KCNN2: variants seen among roughly 807,000 people sequenced by gnomAD.
KCNN2 encodes the protein potassium calcium-activated channel subfamily N member 2.
In KCNN2, 24 loss-of-function variants were observed where a neutral mutation model predicts 55.5. The ratio of observed to expected loss-of-function variants is 0.43; its 90% confidence interval spans 0.31 to 0.61. The LOEUF is 0.61. Among genes scored for constraint, KCNN2 ranks in the 20% least tolerant of loss-of-function variants. KCNN2 has a pLI of 0.08. For missense variants in KCNN2, 754 were observed against 853.6 expected (o/e 0.88, Z 1.45); for synonymous variants, 431 against 336.1 (o/e 1.28, Z -3.09).
intron 5 of KCNN2, among the ~76,000 whole-genome samples, chr5:114,479,184 A>G (rs1762108767): frequency 6.6e-6 from 1 of 150,792 alleles, no homozygotes; most frequent in Non-Finnish European, 1.5e-5. Context: ...ATAGGCTCAA[A>G]ATAAAGGGAT....
intron 2 of KCNN2, among the ~76,000 whole-genome samples, chr5:114,369,680 C>T (rs1342175368): frequency 6.6e-6 from 1 of 152,086 alleles, no homozygotes; most frequent in Admixed American, 6.5e-5. Context: ...TTTGTGTATA[C>T]ACTGTAGTAA....
intron 1 of KCNN2, among the ~76,000 whole-genome samples, chr5:114,173,360 A>T (rs1393412882): frequency 1.3e-5 from 2 of 150,100 alleles, no homozygotes; most frequent in Non-Finnish European, 3.0e-5. Context: ...AAGTCAGGTA[A>T]TGTGATTTCT....
chr5:114,490,555 C>G (rs748352391), intron 6 of KCNN2: 1 of 394,340 alleles, frequency 2.5e-6, no homozygotes, highest in African/African-American at 2.1e-5. Flanking sequence ...TCCTGCAGAA[C>G]CATAACAGGA....
At chr5:114,290,396 T>C (rs1348681728) in intron 2 of KCNN2, among the ~76,000 whole-genome samples, 2 of 152,126 alleles carry the variant, frequency 1.3e-5, no homozygotes, top group Non-Finnish European at 2.9e-5. Flanking sequence ...TAATTACTTA[T>C]AGTATTATAA....
At position 114,300,422 on chromosome 5, in the gene KCNN2, T is replaced by C. The variant is rs114570187; in HGVS notation, c.-184-60523T>C. On this transcript the variant is annotated intron_variant, in intron 2 of 10. Coordinates refer to the KCNN2 transcript ENST00000512097. ...TGAAATCATAATTAAAGCAATTACA[T>C]TGGAGAATATTTCAAAACATTGTCT... Among the ~76,000 whole-genome samples, 439 of 152,300 alleles carry C rather than the reference T, an allele frequency of 2.9e-3. 3 individuals carry two copies. The highest frequency in any genetic ancestry group is 0.01 in the African/African-American group (420 of 41,562).
At chr5:114,431,099 A>G (rs1408094244) in intron 3 of KCNN2, among the ~76,000 whole-genome samples, 1 of 152,066 alleles carries the variant, frequency 6.6e-6, no homozygotes, top group South Asian at 2.1e-4. Flanking sequence ...CTGGCTTTAT[A>G]CAATGAGTTA....
chr5:114,246,453 A>G (rs1032230174), intron 2 of KCNN2, among the ~76,000 whole-genome samples: 2 of 152,170 alleles, frequency 1.3e-5, no homozygotes, highest in Non-Finnish European at 2.9e-5. Context: ...TTACAATGAT[A>G]TATTTGGTCT....
chr5:114,319,113 G>A (rs955918841), intron 2 of KCNN2, among the ~76,000 whole-genome samples: 15 of 152,128 alleles, frequency 9.9e-5, no homozygotes, highest in African/African-American at 3.6e-4. Flanking sequence ...CAGAGACTGA[G>A]TGATTACCAA....
In KCNN2 at chr5:114,145,369, A is replaced by T. The variant is rs1390847536; in HGVS notation, c.-270-76111A>T. Among the ~76,000 whole-genome samples, 2 of 152,176 alleles carry T rather than the reference A, an allele frequency of 1.3e-5. 1 individual carries two copies. Among genetic ancestry groups the T allele is most frequent in the Admixed American group, 1.3e-4 (2 of 15,272 alleles). On this transcript the variant is annotated intron_variant, in intron 1 of 10. Transcript: ENST00000512097. ...CATATTAATTTGTTAGCATTTGAAGACACGTTGAGAGGACACACAGGTCCT... is the reference window on the plus strand; with the variant it reads ...CATATTAATTTGTTAGCATTTGAAGTCACGTTGAGAGGACACACAGGTCCT...
chr5:114,332,999 T>A (rs1162938179), intron 2 of KCNN2, among the ~76,000 whole-genome samples: 1 of 152,230 alleles, frequency 6.6e-6, no homozygotes, highest in East Asian at 1.9e-4. Flanking sequence ...TGGTCTCGCC[T>A]CACAATAATC....
At chr5:114,101,773 T>G (rs1402409172) in intron 1 of KCNN2, among the ~76,000 whole-genome samples, 1 of 152,164 alleles carries the variant, frequency 6.6e-6, no homozygotes, top group Non-Finnish European at 1.5e-5. Context: ...CTCATCCTTT[T>G]TATGGCTGCG....
intron 2 of KCNN2, among the ~76,000 whole-genome samples, chr5:114,287,671 C>T (rs772364447): frequency 5.3e-5 from 8 of 151,542 alleles, no homozygotes; most frequent in South Asian, 2.1e-4. Context: ...ACCTAGATGA[C>T]GGGTTGATGG....
At chr5:114,072,535 A>C (rs1003733856) in intron 1 of KCNN2, among the ~76,000 whole-genome samples, 1 of 152,192 alleles carries the variant, frequency 6.6e-6, no homozygotes, top group African/African-American at 2.4e-5. Context: ...TAAAAGTATT[A>C]CTTTTAATGC....
intron 1 of KCNN2, among the ~76,000 whole-genome samples, chr5:114,108,972 A>G (rs892730597): frequency 1.3e-5 from 2 of 151,972 alleles, no homozygotes; most frequent in Non-Finnish European, 2.9e-5. Flanking sequence ...TATTTATTTT[A>G]TATTTCCAGT....
At chr5:114,077,096 T>C (rs1386834927) in intron 1 of KCNN2, among the ~76,000 whole-genome samples, 1 of 152,258 alleles carries the variant, frequency 6.6e-6, no homozygotes, top group Non-Finnish European at 1.5e-5. Context: ...TTTTCCCTTT[T>C]ACATTTGTAT....
At chr5:114,360,602 G>T (rs1229645290), upstream of KCNN2, among the ~76,000 whole-genome samples, 1 of 152,190 alleles carries the variant, frequency 6.6e-6, no homozygotes, top group African/African-American at 2.4e-5. Context: ...AGATGGAGCA[G>T]AAACAAAGAA....
At chr5:114,384,651 T>G (rs994983435) in intron 2 of KCNN2, among the ~76,000 whole-genome samples, 1 of 152,238 alleles carries the variant, frequency 6.6e-6, no homozygotes, top group African/African-American at 2.4e-5. Context: ...GTAATCTTTA[T>G]AAGAATATGA....
intron 2 of KCNN2, among the ~76,000 whole-genome samples, chr5:114,290,989 C>T (rs192171580): frequency 1.4e-4 from 22 of 152,030 alleles, no homozygotes; most frequent in Admixed American, 4.6e-4. Context: ...ACTTGTTTGG[C>T]GGCCTGACAT....
intron 1 of KCNN2, among the ~76,000 whole-genome samples, chr5:114,180,210 A>AT (rs758714262): frequency 4.6e-5 from 7 of 151,652 alleles, no homozygotes; most frequent in East Asian, 1.9e-4. Context: ...CCATATAGAC[A>AT]TTTTTTTTTC....
Sources: allele counts gnomAD v4.1 joint callset (sites outside exome capture counted in the v4.1 genomes callset), GRCh38; gene constraint gnomAD v4.1.1; transcripts MANE v1.5; gene names NCBI Gene and HGNC (gene_info 2026-07-23, HGNC 2026-07-21).